The following ZNF75A variants were observed in gnomAD, a reference collection of about 807,000 sequenced individuals.
ZNF75A encodes the protein zinc finger protein 75A.
Under a neutral mutation model 46.3 loss-of-function variants are expected in ZNF75A, and 36 were observed. The observed-to-expected ratio is 0.78, with a 90% CI of 0.60 to 1.03. ZNF75A has a LOEUF of 1.03. ZNF75A is among the 50% of genes least tolerant of loss of function. The pLI is 0.00. For missense variants in ZNF75A, 595 were observed against 551.3 expected (o/e 1.08, Z -0.79); for synonymous variants, 234 against 189.9 (o/e 1.23, Z -1.91).
At chr16:3,306,401 G>C (rs1297996082) in intron 1 of ZNF75A, 2 of 152,272 alleles carry the variant, frequency 1.3e-5, no homozygotes, top group Non-Finnish European at 1.5e-5. Context: ...ATTTTCTCCA[G>C]ATCAAGTAAG....
intron 2 of ZNF75A, chr16:3,310,850 G>C (rs991463712): frequency 1.0e-6 from 1 of 985,344 alleles, no homozygotes; most frequent in Admixed American, 6.2e-5. Context: ...TGGGAGCCAG[G>C]GTATGAACTT....
rs527715467 is a variant in ZNF75A, at chr16:3,306,343, A to G, written c.-117+700A>G. ...ATACGACTTGATATTTTGTAAATAAAATATCCTTTTTTACAAGTTGATATT... is the reference window on the plus strand; with the variant it reads ...ATACGACTTGATATTTTGTAAATAAGATATCCTTTTTTACAAGTTGATATT... On this transcript the variant is annotated intron_variant, in intron 1 of 6. Coordinates refer to ENST00000669516, the MANE Select transcript of ZNF75A (RefSeq NM_001302109.2). 7 of 152,346 alleles carry G rather than the reference A, an allele frequency of 4.6e-5. No individual in the cohort carries two copies. The East Asian group carries it at 1.2e-3, about 25-fold the overall frequency. 9.4% of individuals were successfully genotyped at this position (152,346 alleles called of 1,614,324 possible).
intron 5 of ZNF75A, among the ~76,000 whole-genome samples, chr16:3,313,858 T>C (rs1275000359): frequency 6.6e-6 from 1 of 152,196 alleles, no homozygotes; most frequent in Non-Finnish European, 1.5e-5. Flanking sequence ...CTGTCTGCCC[T>C]CATTTGCTAC....
Position 3,308,797 on chromosome 16 carries a change from A to G in ZNF75A, c.369A>G (p.Val123=). The change falls in exon 2 of 7, where the codon GTA becomes GTG. Residue 123 remains valine, a synonymous_variant. Transcript: ENST00000669516. ...PQSIEEAVAL[V]EHLQRESGQT... The stretch of plus-strand genomic sequence containing the variant: ...GCATTGAGGAGGCTGTGGCTCTGGT[A>G]GAACACTTGCAGAGGGAATCTGGTC... 1 of 986,304 alleles carries G rather than the reference A, an allele frequency of 1.0e-6. No individual in the cohort carries two copies. The highest frequency in any genetic ancestry group is 4.7e-5 in the South Asian group (1 of 21,452). 61.1% of individuals were successfully genotyped at this position (986,304 alleles called of 1,614,324 possible).
rs925865744 is a variant in ZNF75A, at chr16:3,308,929, A to G, written c.408+93A>G. ...AGTTAGTTGAGAAATTAGATGGATT[A>G]GGTAGGTCATTGTTTGGTTTTTTTT... On this transcript the variant is annotated intron_variant, in intron 2 of 6. Coordinates refer to ENST00000669516, the MANE Select transcript of ZNF75A (RefSeq NM_001302109.2). The G allele has an allele frequency of 6.0e-5, 49 of 819,604 alleles. No homozygotes were observed. In the African/African-American group the frequency reaches 7.3e-4, roughly 12 times the overall value. 50.8% of individuals were successfully genotyped at this position (819,604 alleles called of 1,614,324 possible).
At chr16:3,313,291 G>A (rs1596396350) in intron 5 of ZNF75A, 116 bp downstream of exon 5, 7 of 1,053,592 alleles carry the variant, frequency 6.6e-6, no homozygotes, top group South Asian at 3.2e-5. Context: ...TCATCTAGAT[G>A]GTATAGGGGA....
chr16:3,322,747 A>T (rs2029991239), downstream of ZNF75A, among the ~76,000 whole-genome samples: 1 of 151,966 alleles, frequency 6.6e-6, no homozygotes, highest in African/African-American at 2.4e-5. Context: ...ACAAGTTAAC[A>T]TTTATTTTTG....
intron 2 of ZNF75A, 130 bp downstream of exon 2, chr16:3,308,966 T>G: frequency 2.1e-6 from 1 of 482,338 alleles, no homozygotes; most frequent in Non-Finnish European, 2.7e-6. Flanking sequence ...TAAGGACAGT[T>G]AAGGTGGGAC....
intron 5 of ZNF75A, chr16:3,314,808 T>C: frequency 1.0e-6 from 1 of 985,414 alleles, no homozygotes; most frequent in Non-Finnish European, 1.2e-6. Context: ...AGTTACTGGA[T>C]TACACTCAGA....
At chr16:3,307,913 C>T (rs1960413642) in intron 1 of ZNF75A, 1 of 152,162 alleles carries the variant, frequency 6.6e-6, no homozygotes, top group Non-Finnish European at 1.5e-5. Context: ...TAGAGACAGA[C>T]TGGGATGATC....
chr16:3,314,894 T>C (rs530671572), intron 5 of ZNF75A: 1 of 985,400 alleles, frequency 1.0e-6, no homozygotes, highest in East Asian at 1.1e-4. Flanking sequence ...CCCTTCTTTT[T>C]GTGTAGAAGT....
At chr16:3,319,887 A>G (rs1407542534), downstream of ZNF75A, among the ~76,000 whole-genome samples, 1 of 152,140 alleles carries the variant, frequency 6.6e-6, no homozygotes, top group Admixed American at 6.5e-5. Context: ...GCAGCCATGA[A>G]ATCAAAGCAG....
rs931942491 is a variant in ZNF75A, at chr16:3,311,818, C to T, written c.474C>T (p.Phe158=). Residue 158 remains phenylalanine, a synonymous_variant, in exon 3 of 7, where the codon TTC becomes TTT. Coordinates refer to ENST00000669516, the MANE Select transcript of ZNF75A (RefSeq NM_001302109.2). Reference sequence around the variant, plus strand: ...GAGAAACAGCAGAGGCCTCAAGTTTCGGGCTGAAGCCAACAGAGTCCCAAC... The same window carrying T: ...GAGAAACAGCAGAGGCCTCAAGTTTTGGGCTGAAGCCAACAGAGTCCCAAC... ...LLGETAEASS[F]GLKPTESQPV... is the part of the protein sequence containing the mutation. 40 of 1,048,632 alleles carry T rather than the reference C, an allele frequency of 3.8e-5. No individual in the cohort carries two copies. The highest frequency in any genetic ancestry group is 1.4e-4 in the South Asian group (4 of 28,840). 65.0% of individuals were successfully genotyped at this position (1,048,632 alleles called of 1,614,324 possible).
At chr16:3,310,631 CAAAA>C (rs1030629817) in intron 2 of ZNF75A, 12 of 977,402 alleles carry the variant, frequency 1.2e-5, no homozygotes, top group Admixed American at 6.3e-5. Flanking sequence ...CGTCTCAAAA[CAAAA>C]CAAACAAACA....
chr16:3,311,894 C>T lies in ZNF75A; in HGVS notation c.550C>T (p.Gln184Ter). The change falls in exon 3 of 7, where the codon CAA becomes TAA. Residue 184 changes from glutamine (Q) to a stop codon, truncating the protein, a stop_gained. Transcript: ENST00000669516. LOFTEE classifies it high-confidence loss of function. ...ATTTTGGAATACATACGAGGGTCTGCAAGAACAGCTCAGCAGGAATACTCA... is the reference window on the plus strand; with the variant it reads ...ATTTTGGAATACATACGAGGGTCTGTAAGAACAGCTCAGCAGGAATACTCA... ...EEFWNTYEGL[Q>*]EQLSRNTHKE... 2.0e-6 allele frequency: 2 copies of T among 997,732 alleles called. No individual in the cohort carries two copies. The highest frequency in any genetic ancestry group is 2.4e-6 in the Non-Finnish European group (2 of 835,858). The allele number at this position is 997,732 out of a possible 1,614,324, so 61.8% of individuals were successfully genotyped here.
intron 2 of ZNF75A, chr16:3,310,670 C>T (rs1960698361): frequency 1.0e-6 from 1 of 985,316 alleles, no homozygotes; most frequent in African/African-American, 1.7e-5. Context: ...GGGAAGACTG[C>T]ACAAGAAAAG....
At chr16:3,314,940 T>A in intron 5 of ZNF75A, 1 of 985,364 alleles carries the variant, frequency 1.0e-6, no homozygotes, top group South Asian at 4.7e-5. Flanking sequence ...AGAATGAACC[T>A]CTGTGAGAGG....
In ZNF75A at chr16:3,312,666, TC is replaced by T. The variant is rs2150814251; in HGVS notation, c.605-5del. ...TAAAAGAGATTTCTTCTGGCTCTTT[TC>T]CCCCCACAGCTGTGCCTACTCAACA... is the stretch of plus-strand genomic sequence containing the variant. On this transcript the variant is annotated splice_polypyrimidine_tract_variant and intron_variant, in intron 3 of 6. Coordinates refer to ENST00000669516, the MANE Select transcript of ZNF75A (RefSeq NM_001302109.2). The T allele has an allele frequency of 5.0e-6, 5 of 995,506 alleles. No individual in the cohort carries two copies. The highest frequency in any genetic ancestry group is 1.7e-5 in the African/African-American group (1 of 57,476). The allele number at this position is 995,506 out of a possible 1,614,324, so 61.7% of individuals were successfully genotyped here.
At chr16:3,320,894 C>T (rs72776310), downstream of ZNF75A, among the ~76,000 whole-genome samples, 12,917 of 152,118 alleles carry the variant, frequency 0.085, 805 homozygotes, top group South Asian at 0.17. Flanking sequence ...TAAGGGATGA[C>T]GGACAACTGG....
Sources: allele counts gnomAD v4.1 joint callset (sites outside exome capture counted in the v4.1 genomes callset), GRCh38; gene constraint gnomAD v4.1.1; transcripts MANE v1.5; gene names NCBI Gene and HGNC (gene_info 2026-07-23, HGNC 2026-07-21).